Variants in LURAP1L observed in about 807,000 individuals in gnomAD.
The protein encoded by LURAP1L is leucine rich adaptor protein 1 like.
A neutral mutation model predicts 13.8 loss-of-function variants in LURAP1L; 12 were observed. The ratio of observed to expected loss-of-function variants is 0.87; its 90% CI spans 0.56 to 1.41. The LOEUF (loss-of-function observed/expected upper bound fraction) is 1.41, where lower values mean the gene tolerates loss of function less well. Ranked by LOEUF, LURAP1L falls within the 40% of genes most tolerant of loss-of-function variation. LURAP1L has a pLI of 0.00. For synonymous variants in LURAP1L, 139 were observed against 119.2 expected, an observed-to-expected ratio of 1.17 and a Z score of -1.08; for missense variants, 375 against 292.9, an observed-to-expected ratio of 1.28 and a Z score of -2.04.
At chr9:12,789,028 C>G (rs745853531) in intron 1 of LURAP1L, among the ~76,000 whole-genome samples, 3 of 151,204 alleles carry the variant, frequency 2.0e-5, no homozygotes, top group Admixed American at 6.6e-5. Flanking sequence ...GATTGCACCA[C>G]TGCATTCCAG....
At position 12,821,641 on chromosome 9, in the gene LURAP1L, G is replaced by T. The variant is rs1165094326; in HGVS notation, c.568G>T (p.Val190Phe). The change falls in exon 2 of 2, where the codon GTC becomes TTC. Residue 190 changes from valine (V) to phenylalanine (F), a missense_variant. Transcript: ENST00000319264. ...GSYLDTLADD[V>F]PGHQTPSDLD... ...TTATCTGGACACGTTGGCGGATGAT[G>T]TCCCAGGCCATCAGACCCCTTCAGA... The T allele has an allele frequency of 6.2e-7, 1 of 1,614,056 alleles. No homozygotes were observed. The highest frequency in any genetic ancestry group is 8.5e-7 in the Non-Finnish European group (1 of 1,180,042).
At chr9:12,814,005 C>A (rs560761421) in intron 1 of LURAP1L, among the ~76,000 whole-genome samples, 1 of 152,170 alleles carries the variant, frequency 6.6e-6, no homozygotes, top group Admixed American at 6.5e-5. Flanking sequence ...ATAAAAAGTG[C>A]TGTATATTTT....
intron 1 of LURAP1L, among the ~76,000 whole-genome samples, chr9:12,800,456 C>T (rs1300312063): frequency 6.6e-6 from 1 of 151,402 alleles, no homozygotes; most frequent in African/African-American, 2.4e-5. Flanking sequence ...ATAGGGTGTC[C>T]AACTGACTGG....
At chr9:12,786,532 C>A in intron 1 of LURAP1L, among the ~76,000 whole-genome samples, 2 of 54,196 alleles carry the variant, frequency 3.7e-5, no homozygotes, top group Non-Finnish European at 7.1e-5. Context: ...AAATGGCTAA[C>A]ATGTATATAT....
At chr9:12,821,104 C>T (rs1051674255) in intron 1 of LURAP1L, among the ~76,000 whole-genome samples, 7 of 152,112 alleles carry the variant, frequency 4.6e-5, no homozygotes, top group African/African-American at 1.7e-4. Flanking sequence ...GAGAACCTGC[C>T]ATTCAGTATG....
At position 12,786,581 on chromosome 9, in the gene LURAP1L, T is replaced by C. The variant is rs184172890; in HGVS notation, c.312+10554T>C. Reference sequence around the variant, plus strand: ...ATATATATATATATATATATATATATAAACCCTTGTGCCTTAAGTCTGTAT... The same window carrying C: ...ATATATATATATATATATATATATACAAACCCTTGTGCCTTAAGTCTGTAT... On this transcript the variant is annotated intron_variant, in intron 1 of 1. Transcript: ENST00000319264. 2.2e-3 allele frequency among the ~76,000 whole-genome samples: 268 copies of C among 121,452 alleles called. 8 individuals are homozygous for C. Among genetic ancestry groups the C allele is most frequent in the South Asian group, 0.015 (45 of 3,078 alleles). 79.7% of individuals were successfully genotyped at this position (121,452 alleles called of 152,430 possible). A position where few individuals can be genotyped will look rare whatever the true frequency, so the allele number is the denominator to read the frequency against.
chr9:12,795,903 T>C (rs1191246152), intron 1 of LURAP1L, among the ~76,000 whole-genome samples: 1 of 152,036 alleles, frequency 6.6e-6, no homozygotes, highest in Non-Finnish European at 1.5e-5. Context: ...ACAGTAAAAT[T>C]AAAAATGACA....
rs192808226 is a variant in LURAP1L at position 12,800,314 on chromosome 9, T to G, written c.313-21072T>G. ...CATGTACATAATGTATACCACTTTT[T>G]GGATTAGAAAATTGGTATAGAGAAA... On this transcript the variant is annotated intron_variant, in intron 1 of 1. Transcript: ENST00000319264. Among the ~76,000 whole-genome samples the G allele has an allele frequency of 2.9e-3, 441 of 152,322 alleles. 1 individual carries two copies. The highest frequency in any genetic ancestry group is 5.1e-3 in the Non-Finnish European group (345 of 68,018).
chr9:12,784,582 G>A (rs745723784), intron 1 of LURAP1L, among the ~76,000 whole-genome samples: 202 of 152,130 alleles, frequency 1.3e-3, no homozygotes, highest in Admixed American at 3.1e-3. Context: ...AGAATTGGAG[G>A]AGGGGTGACA....
chr9:12,812,385 T>C (rs1819748761), intron 1 of LURAP1L, among the ~76,000 whole-genome samples: 1 of 152,320 alleles, frequency 6.6e-6, no homozygotes, highest in Non-Finnish European at 1.5e-5. Context: ...ATCTCTGCTC[T>C]AGGAGCAGCG....
At chr9:12,776,179 G>C (rs1050992760) in intron 1 of LURAP1L, 152 bp downstream of exon 1, 4 of 804,046 alleles carry the variant, frequency 5.0e-6, no homozygotes, top group Non-Finnish European at 7.9e-6. Flanking sequence ...TGAGCAGGGG[G>C]CGCTCATCCG....
intron 1 of LURAP1L, among the ~76,000 whole-genome samples, chr9:12,811,722 G>A (rs1356859211): frequency 6.6e-6 from 1 of 152,180 alleles, no homozygotes; most frequent in Non-Finnish European, 1.5e-5. Context: ...AACAGCATTG[G>A]TGTATTAGTT....
intron 1 of LURAP1L, among the ~76,000 whole-genome samples, chr9:12,803,979 C>T (rs1027389235): frequency 1.3e-5 from 2 of 152,096 alleles, no homozygotes; most frequent in Non-Finnish European, 2.9e-5. Context: ...AGACAGAAAC[C>T]TATTAAAAAT....
At chr9:12,784,565 G>A (rs1271386833) in intron 1 of LURAP1L, among the ~76,000 whole-genome samples, 2 of 152,136 alleles carry the variant, frequency 1.3e-5, no homozygotes, top group Non-Finnish European at 2.9e-5. Flanking sequence ...TCTGTGCTGA[G>A]CTTCCTAGAA....
chr9:12,813,640 T>A (rs1819767433), intron 1 of LURAP1L, among the ~76,000 whole-genome samples: 1 of 152,202 alleles, frequency 6.6e-6, no homozygotes, highest in South Asian at 2.1e-4. Flanking sequence ...GTTATTACAT[T>A]TCCAATAGTG....
At chr9:12,793,491 G>A (rs1041808090) in intron 1 of LURAP1L, among the ~76,000 whole-genome samples, 2 of 151,986 alleles carry the variant, frequency 1.3e-5, no homozygotes, top group African/African-American at 2.4e-5. Flanking sequence ...CTCAACAGCC[G>A]TGTTTCTTTT....
rs573132588 is a variant in LURAP1L at position 12,804,668 on chromosome 9, A to C, written c.313-16718A>C. ...CTCTGTTATTTGATTCTATCAAAAA[A>C]ATTTTTTTTTAAATAGTAAAAATAT... On this transcript the variant is annotated intron_variant, in intron 1 of 1. Transcript: ENST00000319264. Among the ~76,000 whole-genome samples the C allele has an allele frequency of 1.9e-3, 296 of 152,274 alleles. 1 individual carries two copies. Among genetic ancestry groups the C allele is most frequent in the Admixed American group, 3.9e-3 (60 of 15,284 alleles).
chr9:12,819,119 C>A (rs984029550), intron 1 of LURAP1L, among the ~76,000 whole-genome samples: 8 of 152,144 alleles, frequency 5.3e-5, no homozygotes, highest in African/African-American at 1.9e-4. Flanking sequence ...GACACCCCAA[C>A]AAATAGAGGG....
intron 1 of LURAP1L, among the ~76,000 whole-genome samples, chr9:12,785,225 G>C (rs1464547985): frequency 6.6e-6 from 1 of 152,072 alleles, no homozygotes; most frequent in Non-Finnish European, 1.5e-5. Context: ...CTATGGCTGA[G>C]GTAGTATTTA....
Sources: gnomAD v4.1 joint callset for allele counts (sites outside exome capture counted in the v4.1 genomes callset) on GRCh38, gnomAD v4.1.1 for gene constraint, MANE v1.5 for transcripts, NCBI Gene and HGNC (gene_info 2026-07-23, HGNC 2026-07-21) for gene names.